The following COL24A1 variants were observed in gnomAD, a reference collection of about 807,000 sequenced individuals.
The protein encoded by COL24A1 is collagen type XXIV alpha 1 chain.
Under a neutral mutation model 253.9 loss-of-function variants are expected in COL24A1, and 224 were observed. That is an observed-to-expected ratio of 0.88 (90% CI 0.79 to 0.99). The LOEUF is 0.99. Among genes scored for constraint, COL24A1 ranks in the 50% least tolerant of loss-of-function variants. COL24A1 has a pLI of 0.00. For synonymous variants in COL24A1, 685 were observed against 673.7 expected (o/e 1.02, Z -0.26); for missense variants, 2,131 against 2,068.5 (o/e 1.03, Z -0.59).
chr1:85,833,140 T>C lies in COL24A1; in HGVS notation c.3681+5445A>G, dbSNP rs192953345. On this transcript the variant is annotated intron_variant, in intron 43 of 59. Transcript: ENST00000370571. ...AATGGAGAGTTTTTAGCATGAAGGG[T>C]TGTTGAATTTTGTCAAAGGCCTTTT... 5.9e-3 allele frequency among the ~76,000 whole-genome samples: 898 copies of C among 152,110 alleles called. 7 individuals are homozygous for C. Among genetic ancestry groups the C allele is most frequent in the Admixed American group, 0.019 (283 of 15,256 alleles).
chr1:85,812,239 C>T (rs1468956251), intron 47 of COL24A1, among the ~76,000 whole-genome samples: 1 of 152,198 alleles, frequency 6.6e-6, no homozygotes, highest in East Asian at 1.9e-4. Context: ...GTCTGGAAAG[C>T]ACAGACAAAA....
At chr1:86,088,640 A>C (rs1182121276) in intron 7 of COL24A1, among the ~76,000 whole-genome samples, 1 of 152,130 alleles carries the variant, frequency 6.6e-6, no homozygotes, top group East Asian at 1.9e-4. Flanking sequence ...CCCAATCCTC[A>C]CGTCACTTCC....
intron 2 of COL24A1, among the ~76,000 whole-genome samples, chr1:86,135,498 AT>A (rs1475825226): frequency 1.3e-5 from 2 of 151,910 alleles, no homozygotes; most frequent in African/African-American, 2.4e-5. Flanking sequence ...CTCATATATC[AT>A]TTCTCTATAA....
In COL24A1 at chr1:85,911,434, C is replaced by G. The variant is rs371367829; in HGVS notation, c.2563-1G>C. ...CTTCTCCAGGTAAGCCAACAGGTCC[C>G]TTTTAGGAAAAAAAAATAACAGAAA... is the stretch of plus-strand genomic sequence containing the variant. On this transcript the variant is annotated splice_acceptor_variant, in intron 24 of 59. Coordinates refer to ENST00000370571, the MANE Select transcript of COL24A1 (RefSeq NM_152890.7). LOFTEE classifies it high-confidence loss of function. The G allele has an allele frequency of 5.6e-6, 9 of 1,611,038 alleles. No individual in the cohort carries two copies. Among genetic ancestry groups the G allele is most frequent in the Non-Finnish European group, 7.6e-6 (9 of 1,178,272 alleles).
chr1:85,902,287 C>T (rs189497962), intron 28 of COL24A1, among the ~76,000 whole-genome samples: 2 of 152,166 alleles, frequency 1.3e-5, no homozygotes, highest in East Asian at 1.9e-4. Flanking sequence ...AGAAAATAGC[C>T]CTTATCACCA....
At chr1:86,149,083 C>T (rs1157137446) in intron 1 of COL24A1, among the ~76,000 whole-genome samples, 2 of 152,126 alleles carry the variant, frequency 1.3e-5, no homozygotes, top group Non-Finnish European at 2.9e-5. Context: ...TTAGTAGAGA[C>T]AGAGTTTCAC....
chr1:85,945,019 T>TTTGTTTG (rs1218939516), intron 24 of COL24A1, among the ~76,000 whole-genome samples: 2,063 of 73,254 alleles, frequency 0.028, 55 homozygotes, highest in East Asian at 0.059. Context: ...TTTTTTTTTT[T>TTTGTTTG]TTTTTTTTTT....
chr1:85,883,286 C>G (rs1258839709), intron 32 of COL24A1, among the ~76,000 whole-genome samples: 4 of 151,884 alleles, frequency 2.6e-5, no homozygotes, highest in Admixed American at 2.0e-4. Flanking sequence ...GTGGCATGAT[C>G]TCGGTGCACT....
intron 14 of COL24A1, among the ~76,000 whole-genome samples, chr1:86,025,235 C>T (rs1169238716): frequency 2.6e-5 from 4 of 152,118 alleles, no homozygotes; most frequent in African/African-American, 4.8e-5. Context: ...TCCATAAGAA[C>T]ATGGAACAGA....
intron 4 of COL24A1, among the ~76,000 whole-genome samples, chr1:86,114,337 G>A: frequency 6.6e-6 from 1 of 152,178 alleles, no homozygotes; most frequent in South Asian, 2.1e-4. Flanking sequence ...GAGAACAGAT[G>A]GAGATTCTGA....
intron 3 of COL24A1, among the ~76,000 whole-genome samples, chr1:86,122,543 T>A (rs1647530763): frequency 6.6e-6 from 1 of 152,018 alleles, no homozygotes; most frequent in South Asian, 2.1e-4. Context: ...TACCAACAGC[T>A]CTTTAAATGT....
chr1:86,062,332 A>G (rs1324208520), intron 8 of COL24A1, among the ~76,000 whole-genome samples: 2 of 152,076 alleles, frequency 1.3e-5, no homozygotes, highest in African/African-American at 2.4e-5. Context: ...GAATGTCCAC[A>G]GTATTTTCAC....
chr1:85,965,060 T>C lies in COL24A1; in HGVS notation c.2466A>G (p.Gly822=), dbSNP rs777059025. Residue 822 remains glycine, a splice_region_variant and synonymous_variant, in exon 23 of 60, where the codon GGA becomes GGG. Coordinates refer to ENST00000370571, the MANE Select transcript of COL24A1 (RefSeq NM_152890.7). ...IGAFGELGPR[G]KPGQKGYAGE... Reference sequence around the variant, plus strand: ...CTGCATACCCCTTTTGACCTGGTTTTCCCTAGAAGAGAACAGCATAAAAGA... The same window carrying C: ...CTGCATACCCCTTTTGACCTGGTTTCCCCTAGAAGAGAACAGCATAAAAGA... 6.2e-7 allele frequency: 1 copy of C among 1,609,488 alleles called. No homozygotes were observed. Among genetic ancestry groups the C allele is most frequent in the Non-Finnish European group, 8.5e-7 (1 of 1,177,380 alleles).
chr1:85,770,010 G>T (rs1023357928), intron 53 of COL24A1, among the ~76,000 whole-genome samples: 15 of 152,224 alleles, frequency 9.9e-5, no homozygotes, highest in African/African-American at 3.6e-4. Flanking sequence ...GGATACTGGG[G>T]AGGCATGCAG....
intron 19 of COL24A1, among the ~76,000 whole-genome samples, chr1:85,996,463 G>T (rs948171502): frequency 9.9e-5 from 15 of 151,354 alleles, no homozygotes; most frequent in African/African-American, 3.6e-4. Flanking sequence ...ATCACCTGAG[G>T]TCAGGAGTTT....
intron 8 of COL24A1, among the ~76,000 whole-genome samples, chr1:86,063,330 A>G (rs1456736226): frequency 1.3e-5 from 2 of 151,192 alleles, no homozygotes; most frequent in Non-Finnish European, 3.0e-5. Context: ...AGTTCCTGAC[A>G]TTGTACAAAA....
chr1:85,921,998 G>A (rs1035581816), intron 24 of COL24A1, among the ~76,000 whole-genome samples: 3 of 152,100 alleles, frequency 2.0e-5, no homozygotes, highest in Non-Finnish European at 2.9e-5. Context: ...TGAAAACCAT[G>A]GCATGAGAAC....
At chr1:85,760,304 C>A (rs1666723473) in intron 55 of COL24A1, among the ~76,000 whole-genome samples, 1 of 152,018 alleles carries the variant, frequency 6.6e-6, no homozygotes, top group African/African-American at 2.4e-5. Flanking sequence ...TTCAGCCTCC[C>A]AAAGTGCTGG....
chr1:86,115,943 A>T (rs1469813806), intron 3 of COL24A1, among the ~76,000 whole-genome samples: 1 of 110,782 alleles, frequency 9.0e-6, no homozygotes, highest in Non-Finnish European at 2.0e-5. Context: ...AATGATTTAT[A>T]AAATAAAGTA....
Sources: allele counts gnomAD v4.1 joint callset (sites outside exome capture counted in the v4.1 genomes callset), GRCh38; gene constraint gnomAD v4.1.1; transcripts MANE v1.5; gene names NCBI Gene and HGNC (gene_info 2026-07-23, HGNC 2026-07-21).